TDP1: variants seen among roughly 807,000 people sequenced by gnomAD.
TDP1 encodes the protein tyr-DNA phosphodiesterase 1.
A neutral mutation model predicts 81.5 loss-of-function variants in TDP1; 64 were observed. That is an observed-to-expected ratio of 0.79 (90% CI 0.64 to 0.97). The LOEUF (loss-of-function observed/expected upper bound fraction) is 0.97, where lower values mean the gene tolerates loss of function less well. TDP1 is among the 50% of genes least tolerant of loss of function. TDP1 has a pLI of 0.00. For missense variants in TDP1, 723 were observed against 743.8 expected, an observed-to-expected ratio of 0.97 and a Z score of 0.33; for synonymous variants, 256 against 264.3, an observed-to-expected ratio of 0.97 and a Z score of 0.30.
At chr14:90,021,236 C>T (rs1566917051) in intron 15 of TDP1, among the ~76,000 whole-genome samples, 1 of 152,198 alleles carries the variant, frequency 6.6e-6, no homozygotes, top group Non-Finnish European at 1.5e-5. Flanking sequence ...CTCTTTCTGT[C>T]TCAGTTTCAC....
intron 12 of TDP1, among the ~76,000 whole-genome samples, chr14:89,990,248 T>C (rs1896025218): frequency 1.3e-5 from 2 of 152,240 alleles, no homozygotes; most frequent in African/African-American, 4.8e-5. Flanking sequence ...GGGTGTCATC[T>C]GCAAATGCCT....
At chr14:89,962,985 T>C in intron 2 of TDP1, 123 bp from the exon 3 acceptor site, 1 of 1,551,208 alleles carries the variant, frequency 6.4e-7, no homozygotes, top group Non-Finnish European at 8.7e-7. Context: ...AAGCAGCTGA[T>C]GTTAGGTGGT....
At chr14:89,991,203 A>G (rs1380299286) in intron 12 of TDP1, among the ~76,000 whole-genome samples, 1 of 152,152 alleles carries the variant, frequency 6.6e-6, no homozygotes, top group Non-Finnish European at 1.5e-5. Flanking sequence ...GGAGGGTAGG[A>G]TGGGCCAGGA....
chr14:90,005,422 A>T lies in TDP1; in HGVS notation c.1541+11939A>T, dbSNP rs149488684. Among the ~76,000 whole-genome samples, 231 of 152,340 alleles carry T rather than the reference A, an allele frequency of 1.5e-3. 2 individuals carry two copies. In the East Asian group the frequency reaches 0.034, roughly 22 times the overall value. On this transcript the variant is annotated intron_variant, in intron 14 of 16. Transcript: ENST00000335725. ...CGAGGTTTAAAAAAAAAATTTTTTT[A>T]AATCATTATAATAGATCATCTCCCA...
rs35128488 is a variant in TDP1, at chr14:89,996,242, T to C, written c.1541+2759T>C. 6.0e-3 allele frequency among the ~76,000 whole-genome samples: 907 copies of C among 152,248 alleles called. 6 individuals are homozygous for C. Among genetic ancestry groups the C allele is most frequent in the African/African-American group, 0.021 (870 of 41,550 alleles). ...TGTTCCATGTTCAGAATTCCCCACG[T>C]CCTGTAGGCTAAAGTACAGATTCCT... On this transcript the variant is annotated intron_variant, in intron 14 of 16. Coordinates refer to ENST00000335725, the MANE Select transcript of TDP1 (RefSeq NM_018319.4).
intron 3 of TDP1, among the ~76,000 whole-genome samples, 170 bp downstream of exon 3, chr14:89,963,843 GTTTAC>G (rs1292034539): frequency 6.6e-6 from 1 of 152,224 alleles, no homozygotes; most frequent in African/African-American, 2.4e-5. Context: ...ACAGCAGACT[GTTTAC>G]TTAACTCAGG....
At chr14:90,029,000 T>G (rs2140305763) in intron 15 of TDP1, among the ~76,000 whole-genome samples, 1 of 152,208 alleles carries the variant, frequency 6.6e-6, no homozygotes, top group African/African-American at 2.4e-5. Flanking sequence ...GCCACTAGCC[T>G]CTTTGTTTTT....
Position 90,019,344 on chromosome 14 carries a change from G to A in TDP1, c.1570G>A (p.Ala524Thr), listed in dbSNP as rs554308994. 5 of 1,612,288 alleles carry A rather than the reference G, an allele frequency of 3.1e-6. No homozygotes were observed. The South Asian group carries it at 4.4e-5, about 14-fold the overall frequency. ...SANLSKAAWG[A>T]LEKNGTQLMI... Reference sequence around the variant, plus strand: ...AAATCTGTCCAAGGCTGCCTGGGGAGCATTGGAGAAGAATGGCACCCAGCT... The same window carrying A: ...AAATCTGTCCAAGGCTGCCTGGGGAACATTGGAGAAGAATGGCACCCAGCT... Residue 524 changes from alanine to threonine, a missense_variant, in exon 15 of 17, where the codon GCA becomes ACA. Transcript: ENST00000335725.
At position 89,963,253 on chromosome 14, in the gene TDP1, A is replaced by G. The variant is rs747457706; in HGVS notation, c.139A>G (p.Thr47Ala). 12 of 1,614,164 alleles carry G rather than the reference A, an allele frequency of 7.4e-6. No individual in the cohort carries two copies. In the Admixed American group the frequency reaches 8.3e-5, roughly 11 times the overall value. ...AGGAGCAGCAAATGAGCCCAGGTAC[A>G]CCTGTTCCGAGGCCCAGAAAGCTGC... is the stretch of plus-strand genomic sequence containing the variant. ...RQGAANEPRY[T>A]CSEAQKAAHK... The change falls in exon 3 of 17, where the codon ACC (threonine) becomes GCC (alanine). Residue 47 changes from threonine (T) to alanine (A), a missense_variant. Physicochemically the swap from Thr to Ala is moderately conservative, Grantham distance 58. Coordinates refer to ENST00000335725, the MANE Select transcript of TDP1 (RefSeq NM_018319.4).
chr14:89,984,145 G>A lies in TDP1; in HGVS notation c.885-371G>A, dbSNP rs35731533. 1,425 of 985,384 alleles carry A rather than the reference G, an allele frequency of 1.4e-3. 12 individuals are homozygous for A. In the African/African-American group the frequency reaches 0.022, roughly 15 times the overall value. 61.0% of individuals were successfully genotyped at this position (985,384 alleles called of 1,614,324 possible). A position where few individuals can be genotyped will look rare whatever the true frequency, so the allele number is the denominator to read the frequency against. On this transcript the variant is annotated intron_variant, in intron 8 of 16. Transcript: ENST00000335725. ...CTAGTAGCATGGATTTGCTTTAACC[G>A]TTAAGAGTAGAATTCTTAACTCTTG...
chr14:89,965,971 G>C (rs1892894808), intron 3 of TDP1, 176 bp from the exon 4 acceptor site: 1 of 739,474 alleles, frequency 1.4e-6, no homozygotes, highest in South Asian at 6.1e-5. Context: ...AAATACCATA[G>C]GGAAATTTTT....
rs1895960546 is a variant in TDP1, at chr14:89,989,603, A to G, written c.1318-114A>G. On this transcript the variant is annotated intron_variant, in intron 11 of 16. Transcript: ENST00000335725. Reference sequence around the variant, plus strand: ...GAGAACTTTTAAAAATTTAAAGCATATTTTCTAATTTAAAAGTATTTTTAA... The same window carrying G: ...GAGAACTTTTAAAAATTTAAAGCATGTTTTCTAATTTAAAAGTATTTTTAA... 12 of 1,141,092 alleles carry G rather than the reference A, an allele frequency of 1.1e-5. No homozygotes were observed. In the East Asian group the frequency reaches 3.1e-4, roughly 30 times the overall value. The allele number at this position is 1,141,092 out of a possible 1,614,324, so 70.7% of individuals were successfully genotyped here.
chr14:89,975,822 A>G lies in TDP1; in HGVS notation c.791+7A>G, dbSNP rs1894243082. 2.5e-6 allele frequency: 4 copies of G among 1,610,550 alleles called. No homozygotes were observed. Among genetic ancestry groups the G allele is most frequent in the Non-Finnish European group, 3.4e-6 (4 of 1,176,886 alleles). ...CGTTTGGAACACACCACACGTAAGC[A>G]CTTTTTGTGAAATAGGGGAACCCCT... On this transcript the variant is annotated splice_region_variant and intron_variant, in intron 7 of 16. Transcript: ENST00000335725.
At chr14:90,002,262 T>C (rs1235532643) in intron 14 of TDP1, among the ~76,000 whole-genome samples, 1 of 152,152 alleles carries the variant, frequency 6.6e-6, no homozygotes, top group Non-Finnish European at 1.5e-5. Flanking sequence ...CAGCATATTA[T>C]GGAGGAAATA....
chr14:89,997,802 G>A (rs1025704881), intron 14 of TDP1, among the ~76,000 whole-genome samples: 7 of 151,998 alleles, frequency 4.6e-5, no homozygotes, highest in Non-Finnish European at 1.0e-4. Context: ...TTCTACCTAA[G>A]AAAAATGTTT....
chr14:89,957,407 A>G (rs910113577), intron 2 of TDP1, among the ~76,000 whole-genome samples: 7 of 152,198 alleles, frequency 4.6e-5, no homozygotes, highest in African/African-American at 1.7e-4. Context: ...TTCACAGACT[A>G]AAAAACTGAG....
At chr14:90,028,848 G>A (rs1296496678) in intron 15 of TDP1, among the ~76,000 whole-genome samples, 1 of 152,106 alleles carries the variant, frequency 6.6e-6, no homozygotes, top group Non-Finnish European at 1.5e-5. Context: ...TCAGATCTGG[G>A]CCCAGGCTGT....
intron 15 of TDP1, among the ~76,000 whole-genome samples, chr14:90,032,357 G>T (rs920038351): frequency 6.6e-6 from 1 of 152,050 alleles, no homozygotes; most frequent in Non-Finnish European, 1.5e-5. Flanking sequence ...GTGTGTGGAT[G>T]GGTGGACAGA....
rs1893025657 is a variant in TDP1, at chr14:89,967,058, C to T, written c.604-309C>T. On this transcript the variant is annotated intron_variant, in intron 4 of 16. Coordinates refer to ENST00000335725, the MANE Select transcript of TDP1 (RefSeq NM_018319.4). The stretch of plus-strand genomic sequence containing the variant: ...TATAAATCCTTTTATTTAAATTAAT[C>T]TCAGGGCCATTAGACATAATGTAAT... 4.1e-6 allele frequency: 4 copies of T among 984,880 alleles called. No individual in the cohort carries two copies. The South Asian group carries it at 1.9e-4, about 46-fold the overall frequency. 61.0% of individuals were successfully genotyped at this position (984,880 alleles called of 1,614,324 possible).
Sources: allele counts gnomAD v4.1 joint callset (sites outside exome capture counted in the v4.1 genomes callset), GRCh38; gene constraint gnomAD v4.1.1; transcripts MANE v1.5; gene names NCBI Gene and HGNC (gene_info 2026-07-23, HGNC 2026-07-21).